Variants in HEXB observed in about 807,000 individuals in gnomAD.
HEXB encodes the protein beta-hexosaminidase subunit beta.
HEXB carries 51 observed loss-of-function variants against 71.2 expected under a neutral mutation model. The observed-to-expected ratio is 0.72, with a 90% CI of 0.57 to 0.90. The LOEUF is 0.90. Among genes scored for constraint, HEXB ranks in the 40% least tolerant of loss-of-function variants. The pLI, the probability that HEXB is intolerant of heterozygous loss-of-function variation, is 0.00. For missense variants in HEXB, 617 were observed against 677.0 expected (o/e 0.91, Z 0.98); for synonymous variants, 266 against 249.3 (o/e 1.07, Z -0.63).
chr5:74,646,091 T>C (rs1287952437), intron 1 of HEXB, among the ~76,000 whole-genome samples: 2 of 152,110 alleles, frequency 1.3e-5, no homozygotes, highest in African/African-American at 4.8e-5. Context: ...TAATCTGTAG[T>C]ATGGGATAGT....
intron 1 of HEXB, among the ~76,000 whole-genome samples, chr5:74,664,539 C>A: frequency 6.7e-6 from 1 of 149,220 alleles, no homozygotes; most frequent in East Asian, 2.0e-4. Flanking sequence ...TGTAGTATGC[C>A]AAAATCAGTT....
chr5:74,699,393 G>T (rs1749205947), intron 5 of HEXB, among the ~76,000 whole-genome samples: 1 of 151,524 alleles, frequency 6.6e-6, no homozygotes, highest in Non-Finnish European at 1.5e-5. Context: ...TCTTGCCTCT[G>T]TCTCTCGAGT....
rs759626313 is a variant in HEXB, at chr5:74,676,978, C to T, written c.-376-12350C>T. On this transcript the variant is annotated intron_variant, in intron 1 of 13. Transcript: ENST00000511181. ...CTCGGCTCACTGCAAACTCCACCTC[C>T]TGGGTTCATGCCATTCTCCTGCCTC... Among the ~76,000 whole-genome samples, 100 of 152,172 alleles carry T rather than the reference C, an allele frequency of 6.6e-4. 3 individuals carry two copies. The highest frequency in any genetic ancestry group is 6.8e-3 in the Middle Eastern group (2 of 294).
intron 5 of HEXB, among the ~76,000 whole-genome samples, chr5:74,697,636 G>C (rs1349146903): frequency 6.8e-6 from 1 of 147,574 alleles, no homozygotes; most frequent in South Asian, 2.1e-4. Context: ...TGAGACAGGA[G>C]AATTGCTTGA....
At chr5:74,708,556 C>A (rs982635965) in intron 6 of HEXB, among the ~76,000 whole-genome samples, 2 of 152,062 alleles carry the variant, frequency 1.3e-5, no homozygotes, top group African/African-American at 4.8e-5. Flanking sequence ...ATCTCACGGG[C>A]AGAGACACAC....
chr5:74,657,881 T>A (rs1748250349), intron 1 of HEXB, among the ~76,000 whole-genome samples: 1 of 152,206 alleles, frequency 6.6e-6, no homozygotes, highest in South Asian at 2.1e-4. Context: ...TATGTTACGC[T>A]TTTGTTGTAT....
At chr5:74,671,014 G>T (rs976871996) in intron 1 of HEXB, among the ~76,000 whole-genome samples, 1 of 152,148 alleles carries the variant, frequency 6.6e-6, no homozygotes, top group Admixed American at 6.5e-5. Flanking sequence ...AGCAAGGCTG[G>T]CAGGAAGTCT....
At chr5:74,657,678 G>A (rs1748245559) in intron 1 of HEXB, among the ~76,000 whole-genome samples, 1 of 152,162 alleles carries the variant, frequency 6.6e-6, no homozygotes, top group African/African-American at 2.4e-5. Flanking sequence ...TTATTAGAAA[G>A]CTAATAAACC....
rs201981170 is a variant in HEXB at position 74,670,760 on chromosome 5, A to T, written c.-376-18568A>T. On this transcript the variant is annotated intron_variant, in intron 1 of 13. Coordinates refer to the HEXB transcript ENST00000511181. ...GCGCCACTGCATTCCTCTTGTTTAGATGCTGGAGTCCACTGTGGGAGTGGT... is the reference window on the plus strand; with the variant it reads ...GCGCCACTGCATTCCTCTTGTTTAGTTGCTGGAGTCCACTGTGGGAGTGGT... Among the ~76,000 whole-genome samples, 15 of 152,256 alleles carry T rather than the reference A, an allele frequency of 9.9e-5. No homozygotes were observed. In the East Asian group the frequency reaches 2.5e-3, roughly 26 times the overall value.
At position 74,652,228 on chromosome 5, in the gene HEXB, T is replaced by C. The variant is rs909233559; in HGVS notation, c.-377+11670T>C. ...CAACAATCCCAGGAGGTAGATACTA[T>C]CATTATCTCCATTTTGCTCATGAGG... On this transcript the variant is annotated intron_variant, in intron 1 of 13. Coordinates refer to the HEXB transcript ENST00000511181. This position sits in a 1 kb window ranked among gnomAD's most constrained non-coding sequence, Gnocchi z 5.4. 6.6e-6 allele frequency among the ~76,000 whole-genome samples: 1 copy of C among 152,218 alleles called. No individual in the cohort carries two copies. The highest frequency in any genetic ancestry group is 1.5e-5 in the Non-Finnish European group (1 of 68,030).
upstream of HEXB, among the ~76,000 whole-genome samples, chr5:74,680,367 T>C (rs956233702): frequency 6.6e-6 from 1 of 152,226 alleles, no homozygotes; most frequent in Non-Finnish European, 1.5e-5. Context: ...TCCACCACTG[T>C]ATTTTTGTGT....
intron 1 of HEXB, among the ~76,000 whole-genome samples, chr5:74,661,509 C>CTG (rs1218706189): frequency 2.8e-5 from 2 of 71,380 alleles, no homozygotes; most frequent in East Asian, 9.1e-4. Flanking sequence ...CATTTTCTCT[C>CTG]TCTCTGTGTG....
At chr5:74,703,209 T>A (rs1390098742) in intron 5 of HEXB, among the ~76,000 whole-genome samples, 1 of 152,248 alleles carries the variant, frequency 6.6e-6, no homozygotes, top group Non-Finnish European at 1.5e-5. Flanking sequence ...CAGCTTGGCC[T>A]CCCAAAGTGC....
At chr5:74,658,173 A>T (rs1177734032) in intron 1 of HEXB, among the ~76,000 whole-genome samples, 2 of 152,272 alleles carry the variant, frequency 1.3e-5, no homozygotes, top group South Asian at 4.1e-4. Context: ...TGTGCCTCCC[A>T]GCATTAGGAG....
Position 74,696,703 on chromosome 5 carries a change from C to A in HEXB, c.522C>A (p.Thr174=). The A allele has an allele frequency of 7.0e-7, 1 of 1,428,334 alleles. No homozygotes were observed. Among genetic ancestry groups the A allele is most frequent in the Non-Finnish European group, 9.9e-7 (1 of 1,012,126 alleles). The allele number at this position is 1,428,334 out of a possible 1,614,324, so 88.5% of individuals were successfully genotyped here. A position where few individuals can be genotyped will look rare whatever the true frequency, so the allele number is the denominator to read the frequency against. ...RVWGALRGLE[T]FSQLVYQDSY... is the part of the protein sequence containing the mutation. ...TTTTACTTTCCTCAGGTTTAGAGAC[C>A]TTTAGCCAGTTAGTTTATCAAGATT... Residue 174 remains threonine (T), a synonymous_variant, in exon 4 of 14, where the codon ACC becomes ACA. Transcript: ENST00000261416.
intron 1 of HEXB, among the ~76,000 whole-genome samples, chr5:74,645,284 G>C (rs7705647): frequency 0.028 from 4,332 of 152,184 alleles, 214 homozygotes; most frequent in African/African-American, 0.099. Flanking sequence ...TCACTGCAGC[G>C]TATAACTCCT....
chr5:74,713,129 C>T (rs1749587614), intron 6 of HEXB, among the ~76,000 whole-genome samples: 1 of 152,156 alleles, frequency 6.6e-6, no homozygotes, highest in South Asian at 2.1e-4. Context: ...GTTGAAACAG[C>T]ATGATAGTAG....
chr5:74,662,381 G>C (rs4704156), intron 1 of HEXB, among the ~76,000 whole-genome samples: 115,336 of 152,102 alleles, frequency 0.76, 43,851 homozygotes, highest in Admixed American at 0.82. Context: ...GTTACTCTGT[G>C]AGTGTCATTT....
chr5:74,688,197 C>A (rs561628038), intron 1 of HEXB, among the ~76,000 whole-genome samples: 1 of 150,410 alleles, frequency 6.6e-6, no homozygotes, highest in East Asian at 2.0e-4. Context: ...ATTTAATATT[C>A]TCTGATTTTT....
Sources: allele counts gnomAD v4.1 joint callset (sites outside exome capture counted in the v4.1 genomes callset), GRCh38; gene constraint gnomAD v4.1.1; non-coding constraint Gnocchi (gnomAD v3.1); transcripts MANE v1.5; gene names NCBI Gene and HGNC (gene_info 2026-07-23, HGNC 2026-07-21).